The following BAG4 variants were observed in gnomAD, a reference collection of about 807,000 sequenced individuals.
BAG4 encodes the protein BAG cochaperone 4, also known as BAG family molecular chaperone regulator 4.
BAG4 carries 28 observed loss-of-function variants against 52.1 expected under a neutral mutation model. The observed-to-expected ratio is 0.54, with a 90% CI of 0.40 to 0.74. The LOEUF (loss-of-function observed/expected upper bound fraction) is 0.74. Ranked by LOEUF, BAG4 falls within the 30% of genes least tolerant of loss-of-function variation. The probability of loss-of-function intolerance (pLI) is 0.00; values close to 1 mark genes in which losing one functional copy is unlikely to be tolerated. For synonymous variants in BAG4, 208 were observed against 217.0 expected (o/e 0.96, Z 0.37); for missense variants, 525 against 572.0 (o/e 0.92, Z 0.84).
intron 2 of BAG4, among the ~76,000 whole-genome samples, chr8:38,206,979 T>G: frequency 1.5e-5 from 2 of 135,478 alleles, no homozygotes; most frequent in Admixed American, 8.1e-5. Context: ...TGAGATGAAG[T>G]CTTACTCTTG....
At chr8:38,203,098 A>G (rs973887844) in intron 2 of BAG4, 1 of 152,120 alleles carries the variant, frequency 6.6e-6, no homozygotes, top group African/African-American at 2.4e-5. Context: ...CATCCCCTAC[A>G]TATCTGGAGA....
intron 4 of BAG4, 106 bp downstream of exon 4, chr8:38,209,373 A>T: frequency 6.8e-7 from 1 of 1,480,780 alleles, no homozygotes; most frequent in Non-Finnish European, 9.1e-7. Flanking sequence ...ACTAATTACA[A>T]AAAGTTGGTG....
At chr8:38,201,849 TATATATATATATATATATA>T (rs1803668668) in intron 2 of BAG4, 5 of 6,364 alleles carry the variant, frequency 7.9e-4, no homozygotes, top group Non-Finnish European at 2.3e-3. Context: ...TATATATATA[TATATATATATATATATATA>T]TATATATATA....
chr8:38,184,449 G>A (rs561726906), intron 1 of BAG4, among the ~76,000 whole-genome samples: 16 of 151,510 alleles, frequency 1.1e-4, no homozygotes, highest in African/African-American at 3.4e-4. Context: ...TCTGGGTGAC[G>A]GAGTGAGACC....
chr8:38,197,311 G>A (rs144071654), intron 2 of BAG4, among the ~76,000 whole-genome samples: 189 of 152,242 alleles, frequency 1.2e-3, no homozygotes, highest in South Asian at 3.1e-3. Flanking sequence ...TATATACCTA[G>A]GCTATATGGT....
chr8:38,188,646 TGTATAC>T (rs1305179280), intron 1 of BAG4, among the ~76,000 whole-genome samples: 3 of 302 alleles, frequency 9.9e-3, no homozygotes, highest in East Asian at 0.12. Context: ...CATATATACA[TGTATAC>T]ATATATACAT....
intron 2 of BAG4, among the ~76,000 whole-genome samples, chr8:38,204,438 T>G (rs1261937277): frequency 7.1e-6 from 1 of 140,768 alleles, no homozygotes; most frequent in Non-Finnish European, 1.6e-5. Flanking sequence ...GAGGATTGCT[T>G]GAGCCCGGAG....
At position 38,207,592 on chromosome 8, in the gene BAG4, G is replaced by T. The variant is rs1803792615; in HGVS notation, c.459G>T (p.Gly153=). The change falls in exon 3 of 5, where the codon GGG becomes GGT. Residue 153 remains glycine, a synonymous_variant. Coordinates refer to ENST00000287322, the MANE Select transcript of BAG4 (RefSeq NM_004874.4). The part of the protein sequence containing the change: ...GPGANTASYS[G]AYYAPGYTQT... ...GGGCAAATACTGCCTCATACTCAGG[G>T]GCTTATTATGCACCTGGTTATACTC... is the stretch of plus-strand genomic sequence containing the variant. The T allele has an allele frequency of 2.5e-6, 4 of 1,613,526 alleles. No individual in the cohort carries two copies. Among genetic ancestry groups the T allele is most frequent in the Non-Finnish European group, 3.4e-6 (4 of 1,179,754 alleles).
intron 1 of BAG4, among the ~76,000 whole-genome samples, chr8:38,184,225 G>C (rs1210402209): frequency 3.9e-5 from 6 of 152,076 alleles, no homozygotes; most frequent in Non-Finnish European, 7.4e-5. Flanking sequence ...CTAGCACTTT[G>C]GGAGGCTGAG....
At chr8:38,201,802 G>A (rs1210959049) in intron 2 of BAG4, 2 of 115,310 alleles carry the variant, frequency 1.7e-5, no homozygotes, top group African/African-American at 3.4e-5. Flanking sequence ...CCAAGAATAT[G>A]TAATTTCATG....
intron 2 of BAG4, among the ~76,000 whole-genome samples, chr8:38,205,082 G>T (rs1803746339): frequency 6.6e-6 from 1 of 151,960 alleles, no homozygotes; most frequent in Admixed American, 6.6e-5. Context: ...CCAGGCTAGA[G>T]AACAGTGGCT....
At chr8:38,180,741 T>C (rs2130659754) in intron 1 of BAG4, among the ~76,000 whole-genome samples, 1 of 152,128 alleles carries the variant, frequency 6.6e-6, no homozygotes, top group Middle Eastern at 3.4e-3. Flanking sequence ...GTGAGGTTGA[T>C]AGAAATGCAA....
At chr8:38,177,847 TAC>T (rs1160696629) in intron 1 of BAG4, among the ~76,000 whole-genome samples, 1 of 152,210 alleles carries the variant, frequency 6.6e-6, no homozygotes, top group Non-Finnish European at 1.5e-5. Flanking sequence ...GCTTTGTTAA[TAC>T]AGTCTTCTGG....
chr8:38,201,666 A>T (rs1197250213), intron 2 of BAG4: 3 of 151,644 alleles, frequency 2.0e-5, no homozygotes. Flanking sequence ...CTTTTTAAAA[A>T]ATTAAGCAGT....
intron 1 of BAG4, among the ~76,000 whole-genome samples, chr8:38,188,707 GTATA>G (rs1226135451): frequency 2.5e-5 from 3 of 118,386 alleles, no homozygotes; most frequent in East Asian, 2.5e-4. Flanking sequence ...ACATATATAT[GTATA>G]TATATATAAA....
intron 2 of BAG4, among the ~76,000 whole-genome samples, chr8:38,198,384 CA>C (rs554403620): frequency 0.3 from 28,354 of 94,018 alleles, 3,143 homozygotes; most frequent in Middle Eastern, 0.4. Flanking sequence ...ACTCCCATCT[CA>C]AAAAAAAAAA....
At chr8:38,196,840 G>A (rs1803569815) in intron 2 of BAG4, among the ~76,000 whole-genome samples, 1 of 152,090 alleles carries the variant, frequency 6.6e-6, no homozygotes, top group Non-Finnish European at 1.5e-5. Flanking sequence ...ACTTTGGGAG[G>A]CCAAGGTGGG....
At chr8:38,199,756 C>G (rs1306993905) in intron 2 of BAG4, among the ~76,000 whole-genome samples, 1 of 152,024 alleles carries the variant, frequency 6.6e-6, no homozygotes, top group Non-Finnish European at 1.5e-5. Flanking sequence ...ACCTCCTGAC[C>G]TCGTGGTCCA....
rs372858098 is a variant in BAG4 at position 38,192,652 on chromosome 8, T to A, written c.271-36T>A. The A allele has an allele frequency of 3.4e-6, 5 of 1,477,588 alleles. No individual in the cohort carries two copies. In the African/African-American group the frequency reaches 7.0e-5, roughly 21 times the overall value. 91.5% of individuals were successfully genotyped at this position (1,477,588 alleles called of 1,614,324 possible). A position where few individuals can be genotyped will look rare whatever the true frequency, so the allele number is the denominator to read the frequency against. On this transcript the variant is annotated intron_variant, in intron 1 of 4. Transcript: ENST00000287322. ...TCTATCTTAAAATGATGTATGAATGTTATTAAGAGTGAATTTATTTTTCTT... is the reference window on the plus strand; with the variant it reads ...TCTATCTTAAAATGATGTATGAATGATATTAAGAGTGAATTTATTTTTCTT...
Sources: allele counts gnomAD v4.1 joint callset (sites outside exome capture counted in the v4.1 genomes callset), GRCh38; gene constraint gnomAD v4.1.1; transcripts MANE v1.5; gene names NCBI Gene and HGNC (gene_info 2026-07-23, HGNC 2026-07-21).